Variants in STXBP5 observed in about 807,000 individuals in gnomAD.
STXBP5 encodes syntaxin binding protein 5.
Under a neutral mutation model 152.4 loss-of-function variants are expected in STXBP5, and 50 were observed. That is an observed-to-expected ratio of 0.33 (90% CI 0.26 to 0.42). The LOEUF is 0.42. Ranked by LOEUF, STXBP5 falls within the 10% of genes least tolerant of loss-of-function variation. The pLI, the probability that STXBP5 is intolerant of heterozygous loss-of-function variation, is 1.00. For missense variants in STXBP5, 1,167 were observed against 1,388.6 expected (o/e 0.84, Z 2.54); for synonymous variants, 492 against 494.7 (o/e 0.99, Z 0.07).
At chr6:147,366,660 T>G (rs1785304343) in intron 25 of STXBP5, among the ~76,000 whole-genome samples, 1 of 152,228 alleles carries the variant, frequency 6.6e-6, no homozygotes, top group Non-Finnish European at 1.5e-5. Flanking sequence ...AATTGGATTA[T>G]AACCCATTCA....
intron 2 of STXBP5, among the ~76,000 whole-genome samples, chr6:147,233,767 A>G (rs796919408): frequency 4.9e-4 from 74 of 151,448 alleles, no homozygotes; most frequent in African/African-American, 1.7e-3. Context: ...TGCCAATACT[A>G]TTAATTTGAA....
chr6:147,273,662 A>G (rs780569215), intron 7 of STXBP5, among the ~76,000 whole-genome samples: 4 of 152,040 alleles, frequency 2.6e-5, no homozygotes, highest in Non-Finnish European at 5.9e-5. Flanking sequence ...TTTTAAAAAA[A>G]ACGTTGATGC....
At chr6:147,330,521 A>G (rs917750229) in intron 18 of STXBP5, among the ~76,000 whole-genome samples, 3 of 152,214 alleles carry the variant, frequency 2.0e-5, no homozygotes, top group Non-Finnish European at 4.4e-5. Flanking sequence ...GTGAAGGTCA[A>G]ACATTTTACA....
At chr6:147,241,369 T>C (rs980672129) in intron 4 of STXBP5, among the ~76,000 whole-genome samples, 6 of 152,246 alleles carry the variant, frequency 3.9e-5, no homozygotes, top group Admixed American at 3.3e-4. Context: ...AAATGCGTAA[T>C]GTCATGTATC....
At chr6:147,223,755 T>TA (rs1246598383) in intron 2 of STXBP5, among the ~76,000 whole-genome samples, 3 of 152,202 alleles carry the variant, frequency 2.0e-5, no homozygotes, top group African/African-American at 4.8e-5. Flanking sequence ...TTTTAAATCT[T>TA]TGTGGATGCT....
intron 2 of STXBP5, among the ~76,000 whole-genome samples, chr6:147,212,026 A>G (rs943788934): frequency 3.9e-5 from 6 of 152,236 alleles, no homozygotes; most frequent in Admixed American, 1.3e-4. Context: ...TAGCTCCTTT[A>G]GCTCCTCATT....
Position 147,382,186 on chromosome 6 carries a change from G to T in STXBP5, c.3194-592G>T, listed in dbSNP as rs1303220661. Among the ~76,000 whole-genome samples the T allele has an allele frequency of 3.9e-5, 6 of 152,178 alleles. No homozygotes were observed. In the South Asian group the frequency reaches 6.2e-4, roughly 16 times the overall value. ...GCAAAGGGAAAGAAAACAGTGAATC[G>T]CAAGGTCTTTTGATGGAAAAATGTG... is the stretch of plus-strand genomic sequence containing the variant. On this transcript the variant is annotated intron_variant, in intron 26 of 27. Coordinates refer to ENST00000321680, the MANE Select transcript of STXBP5 (RefSeq NM_001127715.4).
chr6:147,264,410 T>G (rs1401326215), intron 6 of STXBP5, among the ~76,000 whole-genome samples: 1 of 152,124 alleles, frequency 6.6e-6, no homozygotes, highest in African/African-American at 2.4e-5. Flanking sequence ...AATTGTAAAT[T>G]AGAAATTTCC....
intron 7 of STXBP5, among the ~76,000 whole-genome samples, chr6:147,267,547 CTT>C (rs1321683860): frequency 2.0e-5 from 3 of 152,092 alleles, no homozygotes; most frequent in Admixed American, 6.5e-5. Context: ...ACAGATAAGT[CTT>C]TTCTCTCCTT....
chr6:147,301,742 G>C (rs1290988289), intron 9 of STXBP5, among the ~76,000 whole-genome samples: 2 of 151,952 alleles, frequency 1.3e-5, no homozygotes, highest in Non-Finnish European at 2.9e-5. Flanking sequence ...CATTTGCTTA[G>C]TACAATTCTG....
chr6:147,279,394 T>C (rs1780596230), intron 8 of STXBP5, among the ~76,000 whole-genome samples: 1 of 150,982 alleles, frequency 6.6e-6, no homozygotes, highest in South Asian at 2.1e-4. Flanking sequence ...TCCTTGTAGC[T>C]ATTGCTAGTA....
chr6:147,298,563 G>GGA (rs1781647688), intron 9 of STXBP5, among the ~76,000 whole-genome samples: 2 of 152,032 alleles, frequency 1.3e-5, no homozygotes, highest in African/African-American at 4.8e-5. Flanking sequence ...ACATTCTTGA[G>GGA]GAGAGATCAT....
In STXBP5 at chr6:147,359,170, C is replaced by T; in HGVS notation, c.2392C>T (p.His798Tyr). ...ATCCCGAGAAGCGATCTCCGCTCTT[C>T]ATTTCTGTGAAACGTTTACTCGAAA... ...KESREAISAL[H>Y]FCETFTRKTD... Residue 798 changes from histidine to tyrosine, a missense_variant, in exon 23 of 28, where the codon CAT becomes TAT. Physicochemically the swap from His to Tyr is moderately conservative, Grantham distance 83. Around this residue, in one of 3 missense-constraint regions of STXBP5, gnomAD observed 833 missense variants for 986.3 expected, o/e 0.84. Transcript: ENST00000321680. 1.2e-6 allele frequency: 2 copies of T among 1,614,092 alleles called. No homozygotes were observed. The highest frequency in any genetic ancestry group is 1.7e-6 in the Non-Finnish European group (2 of 1,179,964).
intron 8 of STXBP5, among the ~76,000 whole-genome samples, chr6:147,284,367 A>G (rs562417): frequency 6.6e-6 from 1 of 151,924 alleles, no homozygotes; most frequent in Non-Finnish European, 1.5e-5. Flanking sequence ...TATTCATTTT[A>G]AATGAATCTT....
intron 2 of STXBP5, among the ~76,000 whole-genome samples, chr6:147,231,640 A>G (rs1778011719): frequency 1.3e-5 from 2 of 152,032 alleles, no homozygotes; most frequent in South Asian, 4.1e-4. Flanking sequence ...ATAAAAACAA[A>G]TATTAGAATA....
chr6:147,290,545 T>C (rs1054690469), intron 8 of STXBP5, among the ~76,000 whole-genome samples: 62 of 152,338 alleles, frequency 4.1e-4, no homozygotes, highest in African/African-American at 1.2e-3. Flanking sequence ...AAATCAACAT[T>C]TTAAAAAATA....
At chr6:147,356,952 T>A (rs1784842487) in intron 22 of STXBP5, among the ~76,000 whole-genome samples, 1 of 152,108 alleles carries the variant, frequency 6.6e-6, no homozygotes, top group South Asian at 2.1e-4. Context: ...AGCAGAAGCG[T>A]TGGTTTAGAC....
At chr6:147,368,847 A>G (rs1158162542) in intron 25 of STXBP5, among the ~76,000 whole-genome samples, 4 of 151,960 alleles carry the variant, frequency 2.6e-5, no homozygotes, top group Non-Finnish European at 4.4e-5. Flanking sequence ...ACCATCTATA[A>G]TAGCAACAAA....
chr6:147,283,168 T>A (rs1780781231), intron 8 of STXBP5, among the ~76,000 whole-genome samples: 1 of 152,204 alleles, frequency 6.6e-6, no homozygotes, highest in African/African-American at 2.4e-5. Context: ...TATTCATCAA[T>A]GTAATCAATC....
Sources: gnomAD v4.1 joint callset for allele counts (sites outside exome capture counted in the v4.1 genomes callset) on GRCh38, gnomAD v4.1.1 for gene constraint, gnomAD v4.1.1 regional missense constraint, MANE v1.5 for transcripts, NCBI Gene and HGNC (gene_info 2026-07-23, HGNC 2026-07-21) for gene names.